ANKHD1: variants seen among roughly 807,000 people sequenced by gnomAD.
ANKHD1 encodes ankyrin repeat and KH domain-containing protein 1.
ANKHD1 carries 31 observed loss-of-function variants against 230.5 expected under a neutral mutation model. The observed-to-expected ratio is 0.13, with a 90% CI of 0.10 to 0.18. The LOEUF (loss-of-function observed/expected upper bound fraction) is 0.18, where lower values mean the gene tolerates loss of function less well. Ranked by LOEUF, ANKHD1 falls within the 10% of genes least tolerant of loss-of-function variation. The pLI is 1.00. For synonymous variants in ANKHD1, 1,074 were observed against 1,117.6 expected, an observed-to-expected ratio of 0.96 and a Z score of 0.78; for missense variants, 2,256 against 3,071.3, an observed-to-expected ratio of 0.73 and a Z score of 6.27.
intron 1 of ANKHD1, among the ~76,000 whole-genome samples, chr5:140,434,577 CAT>C (rs1338312248): frequency 6.6e-6 from 1 of 151,534 alleles, no homozygotes; most frequent in African/African-American, 2.4e-5. Flanking sequence ...CATATATACA[CAT>C]ATGTACATTT....
chr5:140,472,934 A>G (rs1750740900), intron 10 of ANKHD1, among the ~76,000 whole-genome samples: 1 of 152,096 alleles, frequency 6.6e-6, no homozygotes, highest in Non-Finnish European at 1.5e-5. Flanking sequence ...TTATAATCCA[A>G]AGAGATTTAT....
intron 1 of ANKHD1, among the ~76,000 whole-genome samples, chr5:140,415,439 CTTT>C (rs1293254094): frequency 3.7e-5 from 5 of 136,364 alleles, no homozygotes; most frequent in Admixed American, 1.5e-4. Flanking sequence ...TTTGATACCT[CTTT>C]TTTTTTTTTT....
In ANKHD1 at chr5:140,482,673, G is replaced by A. The variant is rs375093094; in HGVS notation, c.1870+6G>A. The A allele has an allele frequency of 1.7e-5, 28 of 1,610,198 alleles. No homozygotes were observed. Among genetic ancestry groups the A allele is most frequent in the East Asian group, 8.9e-5 (4 of 44,708 alleles). ...GCAGTTTCTTATTAGCAAAGGTAAA[G>A]AAAGGGCAAGTGATCATTTCCAAGA... On this transcript the variant is annotated splice_donor_region_variant and intron_variant, in intron 11 of 33. Coordinates refer to ENST00000360839, the MANE Select transcript of ANKHD1 (RefSeq NM_017747.3).
intron 10 of ANKHD1, among the ~76,000 whole-genome samples, chr5:140,465,384 G>A (rs1358951617): frequency 6.6e-6 from 1 of 152,026 alleles, no homozygotes; most frequent in African/African-American, 2.4e-5. Flanking sequence ...CAAATTAGGT[G>A]GCAGGTTCAT....
intron 14 of ANKHD1, among the ~76,000 whole-genome samples, chr5:140,491,925 T>C (rs1017530648): frequency 4.6e-5 from 7 of 152,204 alleles, no homozygotes; most frequent in African/African-American, 1.7e-4. Flanking sequence ...TTCTTAAGCA[T>C]TTTTAAGAAA....
chr5:140,401,873 A>G lies in ANKHD1; in HGVS notation c.-95A>G, dbSNP rs1301191438. 15 of 1,449,186 alleles carry G rather than the reference A, an allele frequency of 1.0e-5. No individual in the cohort carries two copies. Among genetic ancestry groups the G allele is most frequent in the Non-Finnish European group, 1.3e-5 (14 of 1,106,392 alleles). The allele number at this position is 1,449,186 out of a possible 1,614,324, so 89.8% of individuals were successfully genotyped here. A position where few individuals can be genotyped will look rare whatever the true frequency, so the allele number is the denominator to read the frequency against. On this transcript the variant is annotated 5_prime_UTR_variant, in exon 1 of 34. Coordinates refer to ENST00000360839, the MANE Select transcript of ANKHD1 (RefSeq NM_017747.3). Reference sequence around the variant, plus strand: ...GCGCTGCTGGGACGGGGGAAAGGAGACGCTTCTTCCTCTTGCTGCTCTTCT... The same window carrying G: ...GCGCTGCTGGGACGGGGGAAAGGAGGCGCTTCTTCCTCTTGCTGCTCTTCT...
At position 140,458,989 on chromosome 5, in the gene ANKHD1, TATATATGC is replaced by T. The variant is rs1442278005; in HGVS notation, c.1480+134_1480+141del. On this transcript the variant is annotated intron_variant, in intron 8 of 33. Transcript: ENST00000360839. ...ATATATATATATATATGCATATATA[TATATATGC>T]ATATATATATATATATATATATATA... is the stretch of plus-strand genomic sequence containing the variant. 8.6e-3 allele frequency: 160 copies of T among 18,598 alleles called. 2 individuals carry two copies. The highest frequency in any genetic ancestry group is 0.045 in the Middle Eastern group (1 of 22). The allele number at this position is 18,598 out of a possible 1,614,324, so 1.2% of individuals were successfully genotyped here.
chr5:140,525,896 G>A (rs1330306092), intron 25 of ANKHD1, 100 bp from the exon 26 acceptor site: 2 of 1,327,238 alleles, frequency 1.5e-6, no homozygotes, highest in African/African-American at 1.5e-5. Flanking sequence ...AAAATATGAT[G>A]TAAAACACTG....
intron 7 of ANKHD1, 149 bp from the exon 8 acceptor site, chr5:140,458,476 C>A: frequency 1.5e-6 from 1 of 684,632 alleles, no homozygotes; most frequent in Non-Finnish European, 2.2e-6. Context: ...CTCAGATGAG[C>A]ATGATAATAT....
intron 2 of ANKHD1, among the ~76,000 whole-genome samples, chr5:140,437,135 A>T (rs990297210): frequency 6.6e-6 from 1 of 152,036 alleles, no homozygotes; most frequent in Non-Finnish European, 1.5e-5. Flanking sequence ...ACAAAATACA[A>T]TTTTTTTCCC....
intron 7 of ANKHD1, among the ~76,000 whole-genome samples, chr5:140,457,467 A>G (rs1775289472): frequency 6.6e-6 from 1 of 152,230 alleles, no homozygotes; most frequent in Admixed American, 6.5e-5. Context: ...ATGTCCATCA[A>G]TGATAGACTG....
intron 7 of ANKHD1, among the ~76,000 whole-genome samples, chr5:140,453,651 A>G (rs1282049369): frequency 2.6e-5 from 4 of 152,230 alleles, no homozygotes; most frequent in African/African-American, 9.6e-5. Flanking sequence ...TCCTTTACAG[A>G]CAAGCAAATG....
intron 15 of ANKHD1, among the ~76,000 whole-genome samples, chr5:140,502,726 C>T (rs1170580507): frequency 1.3e-5 from 2 of 151,800 alleles, no homozygotes; most frequent in Non-Finnish European, 2.9e-5. Context: ...AAAATAGTAT[C>T]TGCTTTTAAC....
chr5:140,471,934 G>A (rs899903197), intron 10 of ANKHD1, among the ~76,000 whole-genome samples: 2 of 152,010 alleles, frequency 1.3e-5, no homozygotes, highest in Non-Finnish European at 2.9e-5. Flanking sequence ...TTTAAATGTT[G>A]CTCTGTTTTT....
intron 13 of ANKHD1, 32 bp from the exon 14 acceptor site, chr5:140,486,926 T>G: frequency 1.9e-6 from 3 of 1,601,106 alleles, no homozygotes; most frequent in Non-Finnish European, 2.6e-6. Context: ...TTCTTTGGTC[T>G]GAGATGATTT....
At chr5:140,470,687 G>A (rs991891633) in intron 10 of ANKHD1, among the ~76,000 whole-genome samples, 3 of 138,688 alleles carry the variant, frequency 2.2e-5, no homozygotes, top group African/African-American at 7.9e-5. Context: ...ACAGTGGCAT[G>A]ATCACAACTT....
chr5:140,504,337 C>A (rs1166553000), intron 15 of ANKHD1, among the ~76,000 whole-genome samples: 1 of 152,276 alleles, frequency 6.6e-6, no homozygotes, highest in Non-Finnish European at 1.5e-5. Flanking sequence ...CAGGCGTGGG[C>A]CACTGCGCCC....
In ANKHD1 at chr5:140,471,642, G is replaced by A. The variant is rs144719014; in HGVS notation, c.1782+6866G>A. Among the ~76,000 whole-genome samples the A allele has an allele frequency of 4.6e-4, 70 of 152,224 alleles. 1 individual carries two copies. The highest frequency in any genetic ancestry group is 6.8e-3 in the Middle Eastern group (2 of 294). ...TTTATTTGGAGATTTAGTTGACTCT[G>A]GTCAATGACTGAAAAGCTTCTTATG... On this transcript the variant is annotated intron_variant, in intron 10 of 33. Transcript: ENST00000360839.
rs898381791 is a variant in ANKHD1 at position 140,526,822 on chromosome 5, G to A, written c.4941-106G>A. 14 of 1,409,964 alleles carry A rather than the reference G, an allele frequency of 9.9e-6. No individual in the cohort carries two copies. In the African/African-American group the frequency reaches 1.9e-4, roughly 19 times the overall value. The allele number at this position is 1,409,964 out of a possible 1,614,324, so 87.3% of individuals were successfully genotyped here. A position where few individuals can be genotyped will look rare whatever the true frequency, so the allele number is the denominator to read the frequency against. On this transcript the variant is annotated intron_variant, in intron 26 of 33. Coordinates refer to ENST00000360839, the MANE Select transcript of ANKHD1 (RefSeq NM_017747.3). Reference sequence around the variant, plus strand: ...CTCATTGATTATTTGATGTGCCAAAGTTTAATACGAATATTTCAGCGTAAC... The same window carrying A: ...CTCATTGATTATTTGATGTGCCAAAATTTAATACGAATATTTCAGCGTAAC...
Sources: allele counts gnomAD v4.1 joint callset (sites outside exome capture counted in the v4.1 genomes callset), GRCh38; gene constraint gnomAD v4.1.1; transcripts MANE v1.5; gene names NCBI Gene and HGNC (gene_info 2026-07-23, HGNC 2026-07-21).